Variants in ASCC3 observed in about 807,000 individuals in gnomAD.
The protein encoded by ASCC3 is ASC-1 complex subunit P200.
A neutral mutation model predicts 256.3 loss-of-function variants in ASCC3; 158 were observed. The ratio of observed to expected loss-of-function variants is 0.62; its 90% CI spans 0.54 to 0.70. ASCC3 has a LOEUF of 0.70. Among genes scored for constraint, ASCC3 ranks in the 30% least tolerant of loss-of-function variants. The probability of loss-of-function intolerance (pLI) is 0.00; values close to 1 mark genes in which losing one functional copy is unlikely to be tolerated. For synonymous variants in ASCC3, 948 were observed against 883.4 expected, an observed-to-expected ratio of 1.07 and a Z score of -1.30; for missense variants, 2,259 against 2,626.0, an observed-to-expected ratio of 0.86 and a Z score of 3.05.
At chr6:100,568,424 G>C (rs979841194) in intron 36 of ASCC3, among the ~76,000 whole-genome samples, 1 of 150,096 alleles carries the variant, frequency 6.7e-6, no homozygotes, top group African/African-American at 2.4e-5. Flanking sequence ...TTGTGGTTTT[G>C]ACTTGCATTT....
rs1562159067 is a variant in ASCC3, at chr6:100,606,723, GA to G, written c.5044+16del. 1.3e-6 allele frequency: 2 copies of G among 1,586,478 alleles called. No homozygotes were observed. Among genetic ancestry groups the G allele is most frequent in the South Asian group, 2.4e-5 (2 of 84,464 alleles). On this transcript the variant is annotated intron_variant, in intron 32 of 41. Coordinates refer to ENST00000369162, the MANE Select transcript of ASCC3 (RefSeq NM_006828.4). ...AAAATAGAGCTTCATGTATTTCTGT[GA>G]ATTTAAGAAAATTACCTGTAATGGG...
intron 30 of ASCC3, among the ~76,000 whole-genome samples, chr6:100,622,808 C>T (rs569767335): frequency 6.6e-6 from 1 of 151,724 alleles, no homozygotes; most frequent in Admixed American, 6.6e-5. Flanking sequence ...AAGTTTTCTG[C>T]CGATAAAAAA....
chr6:100,628,927 A>ATG, intron 27 of ASCC3, 88 bp downstream of exon 27: 1 of 1,202,536 alleles, frequency 8.3e-7, no homozygotes, highest in Non-Finnish European at 1.2e-6. Flanking sequence ...AAATATATAT[A>ATG]AATATTACAT....
chr6:100,755,651 C>CGT (rs932593928), intron 10 of ASCC3, among the ~76,000 whole-genome samples: 2 of 152,128 alleles, frequency 1.3e-5, no homozygotes. Flanking sequence ...CACACACACA[C>CGT]AAACACACAC....
chr6:100,571,873 T>C lies in ASCC3; in HGVS notation c.5550+17761A>G, dbSNP rs557658235. Among the ~76,000 whole-genome samples the C allele has an allele frequency of 4.6e-5, 7 of 152,350 alleles. No individual in the cohort carries two copies. In the South Asian group the frequency reaches 6.2e-4, roughly 14 times the overall value. ...GTTTGTTTTGTAACTTCGTGGAATA[T>C]GGCAGTCAGTGAAAACTAGAGTTAT... On this transcript the variant is annotated intron_variant, in intron 36 of 41. Coordinates refer to ENST00000369162, the MANE Select transcript of ASCC3 (RefSeq NM_006828.4).
Position 100,540,350 on chromosome 6 carries a change from T to C in ASCC3, c.5588A>G (p.Asn1863Ser). ...CAGTTCACTATTCATATGATCTTCA[T>C]TGTGTCTCACTGGCAAATCTGTATA... Reference protein sequence around the residue: ...EEYTDLPVRHNEDHMNSELAK... With the variant: ...EEYTDLPVRHSEDHMNSELAK... Residue 1863 changes from asparagine (N) to serine (S), a missense_variant, in exon 37 of 42, where the codon AAT becomes AGT. Around this residue, in one of 2 missense-constraint regions of ASCC3, gnomAD observed 1,839 missense variants for 2,206.7 expected, o/e 0.83. Coordinates refer to ENST00000369162, the MANE Select transcript of ASCC3 (RefSeq NM_006828.4). 1 of 1,613,906 alleles carries C rather than the reference T, an allele frequency of 6.2e-7. No homozygotes were observed. Among genetic ancestry groups the C allele is most frequent in the Non-Finnish European group, 8.5e-7 (1 of 1,179,956 alleles).
In ASCC3 at chr6:100,605,693, G is replaced by C. The variant is rs1772848061; in HGVS notation, c.5052C>G (p.Leu1684=). ...RYVDFPITDV[L]QMMGRAGRPQ... ...GCCTCCCAGCACGCCCCATCATCTG[G>C]AGGACATCTTTAAAAGAGAGAACAA... is the stretch of plus-strand genomic sequence containing the variant. The change falls in exon 33 of 42, where the codon CTC becomes CTG. Residue 1684 remains leucine, a synonymous_variant. Coordinates refer to ENST00000369162, the MANE Select transcript of ASCC3 (RefSeq NM_006828.4). 3 of 1,613,396 alleles carry C rather than the reference G, an allele frequency of 1.9e-6. No homozygotes were observed. Among genetic ancestry groups the C allele is most frequent in the Non-Finnish European group, 2.5e-6 (3 of 1,179,598 alleles).
In ASCC3 at chr6:100,843,937, T is replaced by C. The variant is rs545302699; in HGVS notation, c.801+4211A>G. ...GGTGCAAACACTTGAGAACCTGGTC[T>C]GTGAAACATTATGTCTCATATATAT... On this transcript the variant is annotated intron_variant, in intron 4 of 41. Transcript: ENST00000369162. 3.9e-5 allele frequency among the ~76,000 whole-genome samples: 6 copies of C among 151,980 alleles called. No individual in the cohort carries two copies. In the South Asian group the frequency reaches 1.3e-3, roughly 32 times the overall value.
Position 100,718,144 on chromosome 6 carries a change from GA to G in ASCC3, c.2009del (p.Phe670SerfsTer28). ...CTGGTCGAAAACGGCCATCAAAGAAGAAAAGTCCAATGTATGGATTAACATG... is the reference window on the plus strand; with the variant it reads ...CTGGTCGAAAACGGCCATCAAAGAAGAAAGTCCAATGTATGGATTAACATG... ...FLHVNPYIGLFFFDGRFRPVP... is the reference protein window; with the variant it reads ...FLHVNPYIGLXFFDGRFRPVP... On this transcript the variant is annotated frameshift_variant, in exon 12 of 42. Transcript: ENST00000369162. LOFTEE classifies it high-confidence loss of function. 1 of 1,613,736 alleles carries G rather than the reference GA, an allele frequency of 6.2e-7. No individual in the cohort carries two copies. Among genetic ancestry groups the G allele is most frequent in the Non-Finnish European group, 8.5e-7 (1 of 1,179,812 alleles).
chr6:100,616,184 C>G (rs752596073), intron 30 of ASCC3, among the ~76,000 whole-genome samples: 1 of 152,104 alleles, frequency 6.6e-6, no homozygotes, highest in Non-Finnish European at 1.5e-5. Context: ...AGAATCTCCA[C>G]CAAATCTGAA....
chr6:100,680,693 C>A (rs1166099805), intron 13 of ASCC3, among the ~76,000 whole-genome samples: 4 of 152,122 alleles, frequency 2.6e-5, no homozygotes, highest in African/African-American at 7.2e-5. Flanking sequence ...TTCCCCTAGC[C>A]CCTGCTTTCA....
chr6:100,554,486 C>T (rs572217710), intron 36 of ASCC3, among the ~76,000 whole-genome samples: 1 of 152,250 alleles, frequency 6.6e-6, no homozygotes, highest in South Asian at 2.1e-4. Flanking sequence ...TGGCAGCCTG[C>T]TCGATGTGAG....
intron 32 of ASCC3, among the ~76,000 whole-genome samples, chr6:100,606,010 A>C (rs118186074): frequency 6.6e-6 from 1 of 152,022 alleles, no homozygotes; most frequent in African/African-American, 2.4e-5. Context: ...GCTGTTTAAT[A>C]GATATTATTT....
chr6:100,745,978 T>C (rs1409924132), intron 10 of ASCC3, among the ~76,000 whole-genome samples: 2 of 151,880 alleles, frequency 1.3e-5, no homozygotes, highest in African/African-American at 4.8e-5. Flanking sequence ...CATGGTATAT[T>C]TTAAAATAAT....
chr6:100,735,042 T>C (rs1780082693), intron 10 of ASCC3, among the ~76,000 whole-genome samples: 2 of 152,168 alleles, frequency 1.3e-5, no homozygotes, highest in Non-Finnish European at 2.9e-5. Flanking sequence ...AAACATTGTA[T>C]GTTATATATT....
intron 11 of ASCC3, among the ~76,000 whole-genome samples, chr6:100,724,533 T>C (rs1000067074): frequency 4.0e-5 from 6 of 150,700 alleles, no homozygotes; most frequent in African/African-American, 9.7e-5. Context: ...CTTAAAGACA[T>C]AGGAGAAAGA....
Position 100,860,142 on chromosome 6 carries a change from G to C in ASCC3, c.241+3922C>G, listed in dbSNP as rs1773151890. On this transcript the variant is annotated intron_variant, in intron 3 of 41. Transcript: ENST00000369162. ...ACATAATGCATTTTACTGATTACTA[G>C]TCTCAGTCTTGACTTCTTTATTTTA... Among the ~76,000 whole-genome samples, 4 of 151,992 alleles carry C rather than the reference G, an allele frequency of 2.6e-5. No individual in the cohort carries two copies. In the South Asian group the frequency reaches 8.3e-4, roughly 32 times the overall value.
At chr6:100,590,859 TA>T (rs1324890981) in intron 34 of ASCC3, among the ~76,000 whole-genome samples, 5 of 151,990 alleles carry the variant, frequency 3.3e-5, no homozygotes, top group African/African-American at 1.2e-4. Context: ...CAGTAAATTA[TA>T]AAAAAATTAT....
chr6:100,867,162 T>C (rs1341201998), intron 2 of ASCC3, among the ~76,000 whole-genome samples: 4 of 152,174 alleles, frequency 2.6e-5, no homozygotes, highest in Admixed American at 2.6e-4. Context: ...AAAAATGATC[T>C]TCCAAAGTGA....
Sources: allele counts gnomAD v4.1 joint callset (sites outside exome capture counted in the v4.1 genomes callset), GRCh38; gene constraint gnomAD v4.1.1; regional missense constraint gnomAD v4.1.1; transcripts MANE v1.5; gene names NCBI Gene and HGNC (gene_info 2026-07-23, HGNC 2026-07-21).